The following SYN2 variants were observed in gnomAD, a reference collection of about 807,000 sequenced individuals.
SYN2 encodes synapsin II.
SYN2 carries 19 observed loss-of-function variants against 50.9 expected under a neutral mutation model. That is an observed-to-expected ratio of 0.37 (90% CI 0.26 to 0.55). The LOEUF is 0.55. SYN2 is among the 20% of genes least tolerant of loss of function. SYN2 has a pLI of 0.81. For synonymous variants in SYN2, 255 were observed against 224.9 expected, an observed-to-expected ratio of 1.13 and a Z score of -1.20; for missense variants, 587 against 576.4, an observed-to-expected ratio of 1.02 and a Z score of -0.19.
chr3:12,073,972 G>C (rs1021316620), intron 1 of SYN2, among the ~76,000 whole-genome samples: 13 of 152,110 alleles, frequency 8.5e-5, no homozygotes, highest in Non-Finnish European at 2.9e-5. Context: ...AGACTCATCA[G>C]TTTCTCCTTG....
At chr3:12,183,806 G>T (rs1698278570) in intron 11 of SYN2, 10 of 1,030,080 alleles carry the variant, frequency 9.7e-6, no homozygotes, top group Non-Finnish European at 1.2e-5. Context: ...GGGTGGACAG[G>T]GGAGAAACGA....
chr3:12,013,253 G>A (rs1011420293), intron 1 of SYN2, among the ~76,000 whole-genome samples: 9 of 152,176 alleles, frequency 5.9e-5, no homozygotes, highest in Non-Finnish European at 1.5e-5. Context: ...ACAGGCATGA[G>A]CCACCACCCC....
chr3:12,080,405 T>C (rs1481788518), intron 1 of SYN2, among the ~76,000 whole-genome samples: 1 of 152,122 alleles, frequency 6.6e-6, no homozygotes, highest in Non-Finnish European at 1.5e-5. Context: ...AGGTTGTCGA[T>C]TTGAGATCTT....
rs1698439636 is a variant in SYN2, at chr3:12,191,343, T to C, written c.*718T>C. On this transcript the variant is annotated 3_prime_UTR_variant, in exon 13 of 13. Coordinates refer to ENST00000621198, the MANE Select transcript of SYN2 (RefSeq NM_133625.6). ...CCACTATGACAGCAGTATGCCAAGC[T>C]TTGTGTTCATCTCCTAATAAACGTT... 4.6e-6 allele frequency: 1 copy of C among 218,754 alleles called. No individual in the cohort carries two copies. Among genetic ancestry groups the C allele is most frequent in the Admixed American group, 6.5e-5 (1 of 15,346 alleles). 13.6% of individuals were successfully genotyped at this position (218,754 alleles called of 1,614,324 possible).
chr3:12,135,773 TC>T (rs1198501357), intron 1 of SYN2, among the ~76,000 whole-genome samples: 4 of 152,190 alleles, frequency 2.6e-5, no homozygotes, highest in Non-Finnish European at 5.9e-5. Context: ...TCTGGTTTTC[TC>T]CAGTGGTCCA....
chr3:12,143,444 C>A (rs1697074659), intron 3 of SYN2, among the ~76,000 whole-genome samples: 1 of 152,088 alleles, frequency 6.6e-6, no homozygotes, highest in Admixed American at 6.5e-5. Context: ...CCCTCTCATC[C>A]TCCCCTCTTT....
rs546919915 is a variant in SYN2, at chr3:12,017,635, C to T, written c.377+12707C>T. Among the ~76,000 whole-genome samples the T allele has an allele frequency of 2.6e-5, 4 of 152,196 alleles. No individual in the cohort carries two copies. In the East Asian group the frequency reaches 7.7e-4, roughly 29 times the overall value. On this transcript the variant is annotated intron_variant, in intron 1 of 12. Coordinates refer to ENST00000621198, the MANE Select transcript of SYN2 (RefSeq NM_133625.6). The stretch of plus-strand genomic sequence containing the variant: ...ATATCTCAAACTAATTGAAATAAAC[C>T]TTGAAAATGTCTAACAATATGATTG...
At chr3:12,072,950 T>C (rs1695391931) in intron 1 of SYN2, among the ~76,000 whole-genome samples, 1 of 152,186 alleles carries the variant, frequency 6.6e-6, no homozygotes, top group Non-Finnish European at 1.5e-5. Context: ...TCTGTGCGTT[T>C]AAGTAGAGCC....
chr3:12,119,550 C>G (rs1032486061), intron 1 of SYN2, among the ~76,000 whole-genome samples: 20 of 152,278 alleles, frequency 1.3e-4, no homozygotes, highest in African/African-American at 4.6e-4. Flanking sequence ...TCTCTCTTTT[C>G]TCTCTAATAA....
intron 1 of SYN2, among the ~76,000 whole-genome samples, chr3:12,063,544 C>G (rs1259240672): frequency 6.6e-6 from 1 of 151,934 alleles, no homozygotes; most frequent in Admixed American, 6.6e-5. Flanking sequence ...TGGAAGTTCA[C>G]AGATAAACAT....
chr3:12,035,960 G>A (rs984118795), intron 1 of SYN2, among the ~76,000 whole-genome samples: 1 of 152,158 alleles, frequency 6.6e-6, no homozygotes, highest in African/African-American at 2.4e-5. Context: ...TTTCAATAGG[G>A]AACCAAACAT....
At chr3:12,130,715 T>A (rs562532268) in intron 1 of SYN2, among the ~76,000 whole-genome samples, 3 of 152,140 alleles carry the variant, frequency 2.0e-5, no homozygotes, top group Non-Finnish European at 4.4e-5. Flanking sequence ...CAGTGGTGAG[T>A]GTGAGGTTGA....
At chr3:12,100,653 A>G (rs889997985) in intron 1 of SYN2, among the ~76,000 whole-genome samples, 1 of 152,230 alleles carries the variant, frequency 6.6e-6, no homozygotes, top group East Asian at 1.9e-4. Context: ...TATGTTCTTC[A>G]TGGGATACTA....
intron 1 of SYN2, among the ~76,000 whole-genome samples, chr3:12,069,377 C>T (rs1695292999): frequency 6.6e-6 from 1 of 151,832 alleles, no homozygotes; most frequent in African/African-American, 2.4e-5. Context: ...GCCTCCTGAG[C>T]AGCTGGGATT....
At chr3:12,114,775 T>C (rs1245844602) in intron 1 of SYN2, among the ~76,000 whole-genome samples, 1 of 152,160 alleles carries the variant, frequency 6.6e-6, no homozygotes, top group African/African-American at 2.4e-5. Flanking sequence ...TCTTTGAGCA[T>C]CCCCTCTTCC....
At chr3:12,161,837 T>C (rs1697655791) in intron 6 of SYN2, 175 bp from the exon 7 acceptor site, 1 of 1,054,284 alleles carries the variant, frequency 9.5e-7, no homozygotes, top group African/African-American at 1.6e-5. Flanking sequence ...GTGTGGCCCT[T>C]GAGTTCTGGG....
At chr3:12,094,023 T>A (rs556322422) in intron 1 of SYN2, among the ~76,000 whole-genome samples, 1 of 152,028 alleles carries the variant, frequency 6.6e-6, no homozygotes, top group South Asian at 2.1e-4. Flanking sequence ...CGCCCAGAAT[T>A]TTGTGTATTT....
rs1329081027 is a variant in SYN2, at chr3:12,187,452, C to A, written c.1453C>A (p.Pro485Thr). Reference protein sequence around the residue: ...RRLPPGPSLPPSSSSSSSSSS... With the variant: ...RRLPPGPSLPTSSSSSSSSSS... ...GCTCCCCCCTGGACCATCACTGCCA[C>A]CTTCCTCCTCTTCCTCCTCTTCTTC... Residue 485 changes from proline to threonine, a missense_variant, in exon 12 of 13, where the codon CCT becomes ACT. Pro to Thr is a conservative substitution (Grantham distance 38). Coordinates refer to ENST00000621198, the MANE Select transcript of SYN2 (RefSeq NM_133625.6). The A allele has an allele frequency of 1.9e-6, 3 of 1,553,352 alleles. No individual in the cohort carries two copies.
At chr3:12,040,471 C>T (rs1574903861) in intron 1 of SYN2, among the ~76,000 whole-genome samples, 1 of 132,002 alleles carries the variant, frequency 7.6e-6, no homozygotes, top group African/African-American at 3.0e-5. Flanking sequence ...TTCGCTGTGT[C>T]GCTCAGGCTG....
Sources: allele counts gnomAD v4.1 joint callset (sites outside exome capture counted in the v4.1 genomes callset), GRCh38; gene constraint gnomAD v4.1.1; transcripts MANE v1.5; gene names NCBI Gene and HGNC (gene_info 2026-07-23, HGNC 2026-07-21).